Variants in VGLL4 observed in about 807,000 individuals in gnomAD.
The protein encoded by VGLL4 is vestigial like family member 4.
In VGLL4, 7 loss-of-function variants were observed where a neutral mutation model predicts 21.0. That is an observed-to-expected ratio of 0.33 (90% CI 0.19 to 0.63). The LOEUF is 0.63. VGLL4 is among the 20% of genes least tolerant of loss of function. The probability of loss-of-function intolerance (pLI) is 0.78; values close to 1 mark genes in which losing one functional copy is unlikely to be tolerated. For missense variants in VGLL4, 394 were observed against 425.7 expected (o/e 0.93, Z 0.66); for synonymous variants, 222 against 173.2 (o/e 1.28, Z -2.21).
chr3:11,623,713 G>A (rs11921461), intron 1 of VGLL4, among the ~76,000 whole-genome samples: 23 of 151,428 alleles, frequency 1.5e-4, no homozygotes, highest in African/African-American at 5.6e-4. Context: ...AGCAAAAGTG[G>A]TTCTCAGTTT....
Position 11,558,468 on chromosome 3 carries a change from C to A in VGLL4, c.*88G>T. 1 of 1,329,222 alleles carries A rather than the reference C, an allele frequency of 7.5e-7. No individual in the cohort carries two copies. The highest frequency in any genetic ancestry group is 1.0e-6 in the Non-Finnish European group (1 of 989,918). 82.3% of individuals were successfully genotyped at this position (1,329,222 alleles called of 1,614,324 possible). ...ATCCCTTCCCTTCCCCCCACCCCAC[C>A]CCCATGATTTTTTTTTTTTTAAGTA... On this transcript the variant is annotated 3_prime_UTR_variant, in exon 5 of 5. Coordinates refer to ENST00000430365, the MANE Select transcript of VGLL4 (RefSeq NM_001128219.3).
At chr3:11,595,980 T>G (rs1471717145) in intron 2 of VGLL4, among the ~76,000 whole-genome samples, 1 of 151,172 alleles carries the variant, frequency 6.6e-6, no homozygotes, top group East Asian at 1.9e-4. Context: ...ACTTAAAGTA[T>G]AATAATAATA....
intron 2 of VGLL4, among the ~76,000 whole-genome samples, chr3:11,572,089 C>T (rs750582867): frequency 5.9e-5 from 9 of 152,118 alleles, no homozygotes; most frequent in Non-Finnish European, 1.2e-4. Context: ...GCCTGAGTGA[C>T]AGAGTGAGAC....
At chr3:11,708,872 G>A (rs553029033) in intron 1 of VGLL4, among the ~76,000 whole-genome samples, 1 of 151,968 alleles carries the variant, frequency 6.6e-6, no homozygotes, top group South Asian at 2.1e-4. Flanking sequence ...GACTAGCCTG[G>A]ACAACATGGT....
In VGLL4 at chr3:11,714,144, C is replaced by T. The variant is rs7645111; in HGVS notation, c.-14+6250G>A. Among the ~76,000 whole-genome samples the T allele has an allele frequency of 9.7e-3, 1,480 of 152,284 alleles. 24 individuals are homozygous for T. Among genetic ancestry groups the T allele is most frequent in the African/African-American group, 0.033 (1,383 of 41,542 alleles). On this transcript the variant is annotated intron_variant, in intron 1 of 5. Coordinates refer to the VGLL4 transcript ENST00000273038. ...ATGTACCCGGTGAGGTACATCTATACAGGCTCTGGGCTGCAAAACCCAACT... is the reference window on the plus strand; with the variant it reads ...ATGTACCCGGTGAGGTACATCTATATAGGCTCTGGGCTGCAAAACCCAACT...
At chr3:11,650,597 G>A (rs929700017) in intron 2 of VGLL4, among the ~76,000 whole-genome samples, 1 of 152,074 alleles carries the variant, frequency 6.6e-6, no homozygotes, top group Non-Finnish European at 1.5e-5. Flanking sequence ...ACCCTACTGC[G>A]CTATCTGTTT....
At chr3:11,721,295 G>T (rs921225124), upstream of VGLL4, 37 of 152,312 alleles carry the variant, frequency 2.4e-4, no homozygotes, top group African/African-American at 6.0e-4. Context: ...CTGGATCTTA[G>T]CCCCTGTTGG....
chr3:11,604,519 T>C, intron 1 of VGLL4: 1 of 947,106 alleles, frequency 1.1e-6, no homozygotes, highest in Non-Finnish European at 1.2e-6. Flanking sequence ...TAGATGGCCT[T>C]AACCCAACAC....
chr3:11,717,880 A>C (rs6790369), intron 1 of VGLL4, among the ~76,000 whole-genome samples: 4,617 of 152,274 alleles, frequency 0.03, 235 homozygotes, highest in African/African-American at 0.1. Flanking sequence ...CCCTTTTACA[A>C]AGGAAAATAA....
Position 11,558,525 on chromosome 3 carries a change from G to T in VGLL4, c.*31C>A. The T allele has an allele frequency of 2.8e-6, 4 of 1,409,950 alleles. No individual in the cohort carries two copies. The highest frequency in any genetic ancestry group is 3.8e-6 in the Non-Finnish European group (4 of 1,062,052). The allele number at this position is 1,409,950 out of a possible 1,614,324, so 87.3% of individuals were successfully genotyped here. ...GTTCAAAGCTCAGGCAAACCATGCA[G>T]ATCCACGTGTTGTTGGAGGAGGCGC... is the stretch of plus-strand genomic sequence containing the variant. On this transcript the variant is annotated 3_prime_UTR_variant, in exon 5 of 5. Coordinates refer to ENST00000430365, the MANE Select transcript of VGLL4 (RefSeq NM_001128219.3).
intron 1 of VGLL4, among the ~76,000 whole-genome samples, chr3:11,709,014 T>C (rs6766254): frequency 0.07 from 10,605 of 151,204 alleles, 426 homozygotes; most frequent in Middle Eastern, 0.092. Context: ...TGAGCCGAGA[T>C]TGGGAAAGTG....
At chr3:11,596,364 G>A (rs2074640443) in intron 2 of VGLL4, among the ~76,000 whole-genome samples, 2 of 152,182 alleles carry the variant, frequency 1.3e-5, no homozygotes, top group South Asian at 2.1e-4. Flanking sequence ...CATGGGAGAA[G>A]GAAAAACCAT....
intron 2 of VGLL4, chr3:11,702,599 A>T (rs2076697347): frequency 6.5e-6 from 1 of 152,840 alleles, no homozygotes; most frequent in Non-Finnish European, 1.5e-5. Flanking sequence ...ACTGCAATCC[A>T]GTCTGGGTGA....
intron 3 of VGLL4, among the ~76,000 whole-genome samples, chr3:11,562,159 AGGG>A (rs2073080802): frequency 6.6e-6 from 1 of 151,950 alleles, no homozygotes. Flanking sequence ...AACCCCCCAA[AGGG>A]CTGGGATTAC....
At chr3:11,598,218 G>A (rs1294791068) in intron 2 of VGLL4, among the ~76,000 whole-genome samples, 1 of 151,866 alleles carries the variant, frequency 6.6e-6, no homozygotes, top group African/African-American at 2.4e-5. Context: ...GTACAGACAG[G>A]GTTTCACCAT....
At chr3:11,718,218 C>T (rs1046540844) in intron 1 of VGLL4, among the ~76,000 whole-genome samples, 2 of 152,184 alleles carry the variant, frequency 1.3e-5, no homozygotes, top group African/African-American at 4.8e-5. Flanking sequence ...GGGTTTACAT[C>T]ATTTCCACCG....
chr3:11,596,433 T>C (rs62248289), intron 2 of VGLL4, among the ~76,000 whole-genome samples: 20,327 of 152,226 alleles, frequency 0.13, 1,796 homozygotes, highest in South Asian at 0.23. Flanking sequence ...ACCATGCTTC[T>C]GAAACTACCT....
At chr3:11,566,741 G>A (rs2073552021) in intron 2 of VGLL4, among the ~76,000 whole-genome samples, 1 of 151,910 alleles carries the variant, frequency 6.6e-6, no homozygotes, top group African/African-American at 2.4e-5. Context: ...GGCGCCCCGT[G>A]CAAACCTTTA....
chr3:11,574,779 C>CTGTGTGTGTGTG (rs972259363), intron 2 of VGLL4, among the ~76,000 whole-genome samples: 4 of 121,792 alleles, frequency 3.3e-5, no homozygotes, highest in African/African-American at 1.2e-4. Context: ...GTCAATTCAA[C>CTGTGTGTGTGTG]TATATATGTG....
Sources: gnomAD v4.1 joint callset for allele counts (sites outside exome capture counted in the v4.1 genomes callset) on GRCh38, gnomAD v4.1.1 for gene constraint, MANE v1.5 for transcripts, NCBI Gene and HGNC (gene_info 2026-07-23, HGNC 2026-07-21) for gene names.